IMMP2L: variants seen among roughly 807,000 people sequenced by gnomAD.
The protein encoded by IMMP2L is inner mitochondrial membrane peptidase subunit 2.
IMMP2L carries 18 observed loss-of-function variants against 19.3 expected under a neutral mutation model. The ratio of observed to expected loss-of-function variants is 0.93; its 90% confidence interval spans 0.64 to 1.38. The LOEUF (loss-of-function observed/expected upper bound fraction) is 1.38, where lower values mean the gene tolerates loss of function less well. Ranked by LOEUF, IMMP2L falls within the 40% of genes most tolerant of loss-of-function variation. The pLI, the probability that IMMP2L is intolerant of heterozygous loss-of-function variation, is 0.00. For missense variants in IMMP2L, 233 were observed against 218.2 expected, an observed-to-expected ratio of 1.07 and a Z score of -0.43; for synonymous variants, 76 against 73.0, an observed-to-expected ratio of 1.04 and a Z score of -0.21.
chr7:111,449,186 G>A (rs1279882353), intron 3 of IMMP2L, among the ~76,000 whole-genome samples: 1 of 145,978 alleles, frequency 6.9e-6, no homozygotes, highest in Non-Finnish European at 1.5e-5. Flanking sequence ...AGAAAAAGAG[G>A]GAATCCTCCC....
intron 5 of IMMP2L, among the ~76,000 whole-genome samples, chr7:110,838,363 A>G (rs34435841): frequency 6.7e-3 from 1,013 of 152,104 alleles, no homozygotes; most frequent in Non-Finnish European, 8.7e-3. Context: ...TGATGTGTGC[A>G]CTCTTCTTTG....
At chr7:111,321,505 A>G (rs879923788) in intron 3 of IMMP2L, among the ~76,000 whole-genome samples, 7 of 151,882 alleles carry the variant, frequency 4.6e-5, no homozygotes, top group Non-Finnish European at 1.0e-4. Flanking sequence ...AAAAAAAACT[A>G]CAACAATCTT....
At chr7:111,049,025 T>C (rs1337667445) in intron 3 of IMMP2L, among the ~76,000 whole-genome samples, 2 of 151,904 alleles carry the variant, frequency 1.3e-5, no homozygotes, top group Non-Finnish European at 2.9e-5. Context: ...TACCATTTTA[T>C]CTGATAGCCA....
intron 5 of IMMP2L, among the ~76,000 whole-genome samples, chr7:110,684,334 T>G (rs1157788671): frequency 6.6e-6 from 1 of 152,044 alleles, no homozygotes; most frequent in Admixed American, 6.6e-5. Flanking sequence ...AGAGAAAAGG[T>G]TGATCATTTT....
At chr7:110,802,737 A>G (rs1801350670) in intron 5 of IMMP2L, among the ~76,000 whole-genome samples, 1 of 152,076 alleles carries the variant, frequency 6.6e-6, no homozygotes, top group South Asian at 2.1e-4. Flanking sequence ...AAGAACCACG[A>G]GAATATAACA....
At chr7:111,434,442 A>G (rs1198710760) in intron 3 of IMMP2L, among the ~76,000 whole-genome samples, 1 of 149,110 alleles carries the variant, frequency 6.7e-6, no homozygotes, top group Non-Finnish European at 1.5e-5. Context: ...AAACTACAGA[A>G]TGTTTTCCAC....
intron 3 of IMMP2L, among the ~76,000 whole-genome samples, chr7:111,211,466 T>C (rs1425662812): frequency 6.6e-6 from 1 of 152,172 alleles, no homozygotes; most frequent in African/African-American, 2.4e-5. Flanking sequence ...GGAATCCGAA[T>C]TGAACCAGGT....
chr7:110,900,840 G>A (rs73716500), intron 4 of IMMP2L, among the ~76,000 whole-genome samples: 2,754 of 152,054 alleles, frequency 0.018, 96 homozygotes, highest in African/African-American at 0.063. Context: ...GGTGGGAGGC[G>A]GTATGTGTGG....
rs527301495 is a variant in IMMP2L at position 110,770,527 on chromosome 7, T to C, written c.409-106806A>G. 7.9e-5 allele frequency among the ~76,000 whole-genome samples: 12 copies of C among 152,328 alleles called. No individual in the cohort carries two copies. The East Asian group carries it at 2.3e-3, about 29-fold the overall frequency. Reference sequence around the variant, plus strand: ...CACTTCTTCACCTAAGTTCAGACCTTTACATTTCATGCACTGTCTTGTCCC... The same window carrying C: ...CACTTCTTCACCTAAGTTCAGACCTCTACATTTCATGCACTGTCTTGTCCC... On this transcript the variant is annotated intron_variant, in intron 5 of 5. Coordinates refer to ENST00000405709, the MANE Select transcript of IMMP2L (RefSeq NM_032549.4).
chr7:110,864,432 C>T (rs1807774077), intron 5 of IMMP2L, among the ~76,000 whole-genome samples: 1 of 151,952 alleles, frequency 6.6e-6, no homozygotes, highest in Non-Finnish European at 1.5e-5. Flanking sequence ...AGAACTATTG[C>T]TGCTACTATT....
intron 1 of IMMP2L, among the ~76,000 whole-genome samples, chr7:111,528,512 C>T (rs1449062767): frequency 2.0e-5 from 3 of 152,134 alleles, no homozygotes; most frequent in African/African-American, 7.2e-5. Context: ...TATTTGCCAC[C>T]TGGCATACAG....
At chr7:111,038,305 G>C (rs561536526) in intron 3 of IMMP2L, among the ~76,000 whole-genome samples, 2 of 152,242 alleles carry the variant, frequency 1.3e-5, no homozygotes, top group African/African-American at 4.8e-5. Flanking sequence ...TACGTTGGTG[G>C]CTAGTTAATT....
At chr7:111,124,019 T>C (rs1479072885) in intron 3 of IMMP2L, 3 of 1,614,004 alleles carry the variant, frequency 1.9e-6, no homozygotes, top group East Asian at 2.2e-5. Flanking sequence ...AGGGACATGA[T>C]GGAAATTTGT....
chr7:111,214,517 T>G (rs1387904465), intron 3 of IMMP2L, among the ~76,000 whole-genome samples: 47 of 144,942 alleles, frequency 3.2e-4, no homozygotes, highest in African/African-American at 7.3e-4. Context: ...TTTTTTTTTT[T>G]TTTTTTTTTT....
At position 111,027,471 on chromosome 7, in the gene IMMP2L, T is replaced by C. The variant is rs189127901; in HGVS notation, c.240-63906A>G. ...CTAGAATGACTCAATAATGATGTGG[T>C]TGCGGGAAGGAGGCAGAGAGAAAAA... On this transcript the variant is annotated intron_variant, in intron 3 of 5. Transcript: ENST00000405709. Among the ~76,000 whole-genome samples the C allele has an allele frequency of 1.0e-3, 157 of 152,170 alleles. 1 individual carries two copies. Among genetic ancestry groups the C allele is most frequent in the African/African-American group, 3.6e-3 (148 of 41,538 alleles).
intron 5 of IMMP2L, among the ~76,000 whole-genome samples, chr7:110,691,333 G>A (rs1431268800): frequency 6.6e-6 from 1 of 152,068 alleles, no homozygotes; most frequent in African/African-American, 2.4e-5. Flanking sequence ...ATGGACTAAA[G>A]ACTTAGTCTA....
chr7:111,494,325 A>G (rs1482980015), intron 2 of IMMP2L, among the ~76,000 whole-genome samples: 1 of 152,158 alleles, frequency 6.6e-6, no homozygotes, highest in Non-Finnish European at 1.5e-5. Flanking sequence ...AAGAACAAAA[A>G]AAGCCAAACA....
chr7:110,934,386 AAT>A (rs1318410784), intron 4 of IMMP2L, among the ~76,000 whole-genome samples: 1 of 152,078 alleles, frequency 6.6e-6, no homozygotes, highest in Non-Finnish European at 1.5e-5. Flanking sequence ...TCAAGTCCTG[AAT>A]ATCATTGTTA....
chr7:110,663,748 G>A, intron 5 of IMMP2L, 27 bp from the exon 6 acceptor site: 1 of 1,470,704 alleles, frequency 6.8e-7, no homozygotes, highest in East Asian at 2.4e-5. Context: ...CAGAAAGAAA[G>A]CAATAAAGAG....
Sources: allele counts gnomAD v4.1 joint callset (sites outside exome capture counted in the v4.1 genomes callset), GRCh38; gene constraint gnomAD v4.1.1; transcripts MANE v1.5; gene names NCBI Gene and HGNC (gene_info 2026-07-23, HGNC 2026-07-21).